RASGEF1C: variants seen among roughly 807,000 people sequenced by gnomAD.
The protein encoded by RASGEF1C is ras-GEF domain-containing family member 1C.
A neutral mutation model predicts 58.1 loss-of-function variants in RASGEF1C; 27 were observed. That is an observed-to-expected ratio of 0.46 (90% CI 0.34 to 0.64). The LOEUF (loss-of-function observed/expected upper bound fraction) is 0.64. Ranked by LOEUF, RASGEF1C falls within the 30% of genes least tolerant of loss-of-function variation. The pLI is 0.01. For missense variants in RASGEF1C, 502 were observed against 605.1 expected (o/e 0.83, Z 1.79); for synonymous variants, 243 against 246.3 (o/e 0.99, Z 0.13).
intron 7 of RASGEF1C, among the ~76,000 whole-genome samples, chr5:180,120,070 G>A (rs564507203): frequency 1.3e-5 from 2 of 152,336 alleles, no homozygotes; most frequent in East Asian, 3.9e-4. Context: ...GTGAGGGTAG[G>A]AAGTGGGCTG....
chr5:180,144,117 G>A (rs747762785), intron 1 of RASGEF1C, among the ~76,000 whole-genome samples: 6 of 152,192 alleles, frequency 3.9e-5, no homozygotes, highest in Non-Finnish European at 8.8e-5. Context: ...CACTCGCCAC[G>A]GGGAGCTCGC....
At chr5:180,113,877 G>A (rs1158161708) in intron 11 of RASGEF1C, among the ~76,000 whole-genome samples, 1 of 152,030 alleles carries the variant, frequency 6.6e-6, no homozygotes, top group African/African-American at 2.4e-5. Flanking sequence ...TGGAGGGATC[G>A]AGGATGGATG....
intron 1 of RASGEF1C, among the ~76,000 whole-genome samples, chr5:180,178,062 G>A (rs1223586078): frequency 6.6e-6 from 1 of 151,492 alleles, no homozygotes; most frequent in Admixed American, 6.6e-5. Flanking sequence ...CGCCTCCCAG[G>A]TTCAAGTGAT....
chr5:180,202,632 C>T (rs1756413442), intron 1 of RASGEF1C, among the ~76,000 whole-genome samples: 1 of 151,902 alleles, frequency 6.6e-6, no homozygotes, highest in African/African-American at 2.4e-5. Context: ...ATTTTATAAC[C>T]TGCCAATCTA....
At position 180,155,639 on chromosome 5, in the gene RASGEF1C, G is replaced by A. The variant is rs1189837884; in HGVS notation, c.-6-17581C>T. On this transcript the variant is annotated intron_variant, in intron 1 of 13. Transcript: ENST00000361132. The surrounding 1 kb of genome is among the most constrained non-coding windows in gnomAD (Gnocchi z 5.2). ...ACAGCACCAAGACCCACGGCAGATT[G>A]GCCACTAAATATAGAGCTCTCCCAA... 6.6e-6 allele frequency among the ~76,000 whole-genome samples: 1 copy of A among 151,926 alleles called. No homozygotes were observed. Among genetic ancestry groups the A allele is most frequent in the Non-Finnish European group, 1.5e-5 (1 of 67,970 alleles).
At chr5:180,129,417 C>T (rs868278487) in intron 4 of RASGEF1C, among the ~76,000 whole-genome samples, 1 of 152,292 alleles carries the variant, frequency 6.6e-6, no homozygotes, top group Middle Eastern at 3.4e-3. Flanking sequence ...CTGCCCACTG[C>T]CATAGGAGTG....
In RASGEF1C at chr5:180,103,117, G is replaced by A. The variant is rs147707392; in HGVS notation, c.1304-974C>T. 2.3e-3 allele frequency among the ~76,000 whole-genome samples: 349 copies of A among 152,022 alleles called. 4 individuals carry two copies. Among genetic ancestry groups the A allele is most frequent in the Admixed American group, 6.0e-3 (92 of 15,264 alleles). On this transcript the variant is annotated intron_variant, in intron 12 of 13. Transcript: ENST00000361132. ...TTTGAGACAGAAGTCTCGCTCTGTC[G>A]CCCAGGCTGGAGTGCAGTGGCGCGA...
chr5:180,118,207 A>G (rs762199911), intron 10 of RASGEF1C, among the ~76,000 whole-genome samples: 51 of 152,112 alleles, frequency 3.4e-4, no homozygotes, highest in Non-Finnish European at 6.6e-4. Flanking sequence ...CTGTTTAGGG[A>G]CCAAAGGGCC....
intron 1 of RASGEF1C, among the ~76,000 whole-genome samples, chr5:180,150,309 G>A (rs545679291): frequency 3.4e-4 from 51 of 152,006 alleles, no homozygotes; most frequent in Non-Finnish European, 6.8e-4. Context: ...TCACGTCTTT[G>A]CACATCTTTA....
At chr5:180,172,086 A>C (rs1767117048) in intron 1 of RASGEF1C, among the ~76,000 whole-genome samples, 1 of 152,230 alleles carries the variant, frequency 6.6e-6, no homozygotes, top group Non-Finnish European at 1.5e-5. Flanking sequence ...AAAAAGTCTC[A>C]ATAGCTATAA....
intron 6 of RASGEF1C, among the ~76,000 whole-genome samples, chr5:180,126,335 A>G (rs1418565985): frequency 6.6e-6 from 1 of 152,124 alleles, no homozygotes; most frequent in African/African-American, 2.4e-5. Context: ...TGAACCCGGG[A>G]GGCGGAGCTT....
chr5:180,195,564 G>T (rs758405059), intron 1 of RASGEF1C, among the ~76,000 whole-genome samples: 7 of 152,066 alleles, frequency 4.6e-5, no homozygotes, highest in Non-Finnish European at 7.4e-5. Flanking sequence ...ATCAAGACCA[G>T]CCTGGCGAAC....
chr5:180,142,359 G>T (rs1019489913), intron 1 of RASGEF1C, among the ~76,000 whole-genome samples: 5 of 152,204 alleles, frequency 3.3e-5, no homozygotes, highest in Admixed American at 1.3e-4. Flanking sequence ...CTGCGGGGAG[G>T]GGTGGTATGC....
At chr5:180,173,088 G>A (rs1226798203) in intron 1 of RASGEF1C, among the ~76,000 whole-genome samples, 1 of 152,228 alleles carries the variant, frequency 6.6e-6, no homozygotes, top group Non-Finnish European at 1.5e-5. Flanking sequence ...TAAGTCACCT[G>A]CAGTTGACAA....
intron 6 of RASGEF1C, among the ~76,000 whole-genome samples, chr5:180,124,623 G>A (rs753987814): frequency 6.0e-5 from 9 of 149,556 alleles, no homozygotes; most frequent in African/African-American, 1.2e-4. Flanking sequence ...TCGGGAGTTC[G>A]GGAACAGCCT....
chr5:180,191,578 C>G (rs62406148), intron 1 of RASGEF1C, among the ~76,000 whole-genome samples: 91,060 of 151,608 alleles, frequency 0.6, 28,636 homozygotes, highest in East Asian at 0.87. Flanking sequence ...GGATGGTCTC[C>G]ATCTCCTGAC....
At chr5:180,118,475 G>T in intron 10 of RASGEF1C, 134 bp downstream of exon 10, 1 of 792,738 alleles carries the variant, frequency 1.3e-6, no homozygotes, top group Non-Finnish European at 2.0e-6. Context: ...TCCCCACGCT[G>T]GAGGCACGCA....
chr5:180,119,224 C>A, intron 8 of RASGEF1C, 122 bp downstream of exon 8: 1 of 851,938 alleles, frequency 1.2e-6, no homozygotes, highest in Middle Eastern at 3.1e-4. Flanking sequence ...GAGAGCCCGG[C>A]CCACGCCCTC....
chr5:180,198,322 C>T lies in RASGEF1C; in HGVS notation c.-7+10706G>A, dbSNP rs531390043. Among the ~76,000 whole-genome samples the T allele has an allele frequency of 9.8e-4, 150 of 152,342 alleles. No individual in the cohort carries two copies. Among genetic ancestry groups the T allele is most frequent in the South Asian group, 5.4e-3 (26 of 4,826 alleles). On this transcript the variant is annotated intron_variant, in intron 1 of 13. Coordinates refer to ENST00000361132, the MANE Select transcript of RASGEF1C (RefSeq NM_175062.4). The surrounding 1 kb of genome is among the most constrained non-coding windows in gnomAD (Gnocchi z 4.5). Reference sequence around the variant, plus strand: ...GGGAAGAAAGTGAAGGCATACTGGACGCCTGCCTTGGCCAGCTCTGGCGTT... The same window carrying T: ...GGGAAGAAAGTGAAGGCATACTGGATGCCTGCCTTGGCCAGCTCTGGCGTT...
Sources: allele counts gnomAD v4.1 joint callset (sites outside exome capture counted in the v4.1 genomes callset), GRCh38; gene constraint gnomAD v4.1.1; non-coding constraint Gnocchi (gnomAD v3.1); transcripts MANE v1.5; gene names NCBI Gene and HGNC (gene_info 2026-07-23, HGNC 2026-07-21).